Variants in UNC80 observed in about 807,000 individuals in gnomAD.
UNC80 encodes the protein unc-80 subunit of NALCN channel complex.
A neutral mutation model predicts 384.6 loss-of-function variants in UNC80; 164 were observed. The ratio of observed to expected loss-of-function variants is 0.43; its 90% CI spans 0.38 to 0.49. The LOEUF (loss-of-function observed/expected upper bound fraction) is 0.49, where lower values mean the gene tolerates loss of function less well. Among genes scored for constraint, UNC80 ranks in the 20% least tolerant of loss-of-function variants. UNC80 has a pLI of 0.00. For synonymous variants in UNC80, 1,486 were observed against 1,527.8 expected, an observed-to-expected ratio of 0.97 and a Z score of 0.64; for missense variants, 3,330 against 4,143.0, an observed-to-expected ratio of 0.80 and a Z score of 5.39.
intron 24 of UNC80, among the ~76,000 whole-genome samples, chr2:209,879,036 GTT>G (rs79480053): frequency 2.1e-5 from 3 of 142,942 alleles, no homozygotes; most frequent in Admixed American, 7.0e-5. Flanking sequence ...TCCTTCCAAA[GTT>G]TTTTTTTTTT....
intron 21 of UNC80, among the ~76,000 whole-genome samples, chr2:209,842,684 C>T (rs553352057): frequency 5.3e-4 from 80 of 152,164 alleles, no homozygotes; most frequent in Non-Finnish European, 1.0e-3. Context: ...GAGTAAGATC[C>T]AGCCTCTTCT....
chr2:209,991,775 T>C (rs532276386), intron 61 of UNC80, among the ~76,000 whole-genome samples: 45 of 152,194 alleles, frequency 3.0e-4, no homozygotes, highest in Non-Finnish European at 5.9e-4. Context: ...TTTAAAAAGA[T>C]GTTCCCATCC....
Position 209,777,246 on chromosome 2 carries a change from T to C in UNC80, c.299-12T>C, listed in dbSNP as rs1199600439. On this transcript the variant is annotated splice_polypyrimidine_tract_variant and intron_variant, in intron 3 of 64. Transcript: ENST00000673920. The stretch of plus-strand genomic sequence containing the variant: ...GTTTTTCTTAACCTGCCTGTGTAAT[T>C]GTCCCATGCAGGCCACCAGGATAAA... 2 of 1,563,596 alleles carry C rather than the reference T, an allele frequency of 1.3e-6. No homozygotes were observed. Among genetic ancestry groups the C allele is most frequent in the Non-Finnish European group, 8.6e-7 (1 of 1,158,018 alleles).
chr2:209,937,693 A>C (rs1333634752), intron 42 of UNC80, 63 bp downstream of exon 42: 6 of 1,283,176 alleles, frequency 4.7e-6, no homozygotes, highest in Non-Finnish European at 6.6e-6. Context: ...ATATCTGTTC[A>C]TACTTTGCCA....
chr2:209,821,760 C>T (rs2153827915), intron 13 of UNC80, among the ~76,000 whole-genome samples: 1 of 152,278 alleles, frequency 6.6e-6, no homozygotes, highest in Non-Finnish European at 1.5e-5. Context: ...ATTCACATAA[C>T]TTACACTAAT....
Position 209,941,217 on chromosome 2 carries a change from A to G in UNC80, c.6647-4A>G, listed in dbSNP as rs556749025. On this transcript the variant is annotated splice_region_variant and splice_polypyrimidine_tract_variant and intron_variant, in intron 43 of 64. Transcript: ENST00000673920. ...TCTGTCTCTGCTGTTTCATGTTCTCACAGCTGGAAAGGAACTGTTTGGCCT... is the reference window on the plus strand; with the variant it reads ...TCTGTCTCTGCTGTTTCATGTTCTCGCAGCTGGAAAGGAACTGTTTGGCCT... 6.7e-7 allele frequency: 1 copy of G among 1,495,560 alleles called. No homozygotes were observed. Among genetic ancestry groups the G allele is most frequent in the Admixed American group, 2.1e-5 (1 of 48,642 alleles). 92.6% of individuals were successfully genotyped at this position (1,495,560 alleles called of 1,614,324 possible). A position where few individuals can be genotyped will look rare whatever the true frequency, so the allele number is the denominator to read the frequency against.
intron 26 of UNC80, among the ~76,000 whole-genome samples, chr2:209,891,061 A>G (rs1208065393): frequency 6.6e-6 from 1 of 152,230 alleles, no homozygotes; most frequent in African/African-American, 2.4e-5. Context: ...ATTTTCTAGC[A>G]TCCTATAGAC....
chr2:209,777,963 C>T (rs2191915), intron 4 of UNC80, among the ~76,000 whole-genome samples: 77,726 of 152,044 alleles, frequency 0.51, 21,278 homozygotes, highest in Admixed American at 0.61. Flanking sequence ...TCTCCTTTCC[C>T]CGCTCTATTC....
At chr2:209,912,825 G>A (rs557223475) in intron 30 of UNC80, among the ~76,000 whole-genome samples, 158 bp downstream of exon 30, 1 of 152,274 alleles carries the variant, frequency 6.6e-6, no homozygotes, top group African/African-American at 2.4e-5. Context: ...AAGTGTGCCA[G>A]GAAAAAAGAA....
At chr2:209,915,474 GGA>G (rs1394460283) in intron 31 of UNC80, among the ~76,000 whole-genome samples, 1 of 151,820 alleles carries the variant, frequency 6.6e-6, no homozygotes, top group Non-Finnish European at 1.5e-5. Context: ...GAAAGCCTGA[GGA>G]GACTGAAAAC....
In UNC80 at chr2:209,912,634, A is replaced by G; in HGVS notation, c.4857A>G (p.Lys1619=). The change falls in exon 30 of 65, where the codon AAA becomes AAG. Residue 1619 remains lysine (K), a synonymous_variant. Coordinates refer to ENST00000673920, the MANE Select transcript of UNC80 (RefSeq NM_001371986.1). ...CAGATGCCAATCTGGAAGGAAAAAA[A>G]GATTCCGGAATGCTGAAGTACATCA... ...RVSDANLEGK[K]DSGMLKYIRL... The G allele has an allele frequency of 6.4e-7, 1 of 1,551,438 alleles. No individual in the cohort carries two copies. Among genetic ancestry groups the G allele is most frequent in the Non-Finnish European group, 8.7e-7 (1 of 1,146,808 alleles).
At chr2:209,785,920 A>T in intron 4 of UNC80, 146 bp from the exon 5 acceptor site, 1 of 902,878 alleles carries the variant, frequency 1.1e-6, no homozygotes, top group Non-Finnish European at 1.6e-6. Flanking sequence ...CTCTAGAAAC[A>T]TTCATCTGAC....
At chr2:209,885,372 G>A (rs2124903074) in intron 25 of UNC80, among the ~76,000 whole-genome samples, 1 of 152,314 alleles carries the variant, frequency 6.6e-6, no homozygotes, top group South Asian at 2.1e-4. Flanking sequence ...CAGCTCTGAT[G>A]AACCTTCTTG....
Position 209,819,084 on chromosome 2 carries a change from T to C in UNC80, c.1785T>C (p.His595=). Residue 595 remains histidine (H), a synonymous_variant, in exon 12 of 65, where the codon CAT becomes CAC. Coordinates refer to ENST00000673920, the MANE Select transcript of UNC80 (RefSeq NM_001371986.1). ...GCTATGCAGACTTTTTCAATGAGCATATGAGGAAACTCTGCAACCAGGTGC... is the reference window on the plus strand; with the variant it reads ...GCTATGCAGACTTTTTCAATGAGCACATGAGGAAACTCTGCAACCAGGTGC... The part of the protein sequence containing the change: ...NVGYADFFNE[H]MRKLCNQVPI... 2 of 1,552,106 alleles carry C rather than the reference T, an allele frequency of 1.3e-6. No individual in the cohort carries two copies. The highest frequency in any genetic ancestry group is 1.7e-6 in the Non-Finnish European group (2 of 1,147,096).
rs2085243122 is a variant in UNC80, at chr2:209,881,050, G to A, written c.4066G>A (p.Glu1356Lys). ...LLLEITTFLR[E>K]TFSCLPRPRT... Reference sequence around the variant, plus strand: ...TCTGGAGATTACCACCTTCCTGCGAGAGACCTTTTCTTGCCTGCCCAGACC... The same window carrying A: ...TCTGGAGATTACCACCTTCCTGCGAAAGACCTTTTCTTGCCTGCCCAGACC... Residue 1356 changes from glutamate (E) to lysine (K), a missense_variant, in exon 25 of 65, where the codon GAG (glutamate) becomes AAG (lysine). Glu to Lys is a moderately conservative substitution (Grantham distance 56). This residue lies in a region of UNC80 where 801 missense variants were observed against 950.8 expected (regional missense o/e 0.84). Transcript: ENST00000673920. 1.3e-6 allele frequency: 2 copies of A among 1,551,618 alleles called. No homozygotes were observed. Among genetic ancestry groups the A allele is most frequent in the Admixed American group, 3.9e-5 (2 of 50,972 alleles).
At chr2:209,984,634 T>G (rs563921525) in intron 60 of UNC80, among the ~76,000 whole-genome samples, 1 of 152,060 alleles carries the variant, frequency 6.6e-6, no homozygotes, top group Admixed American at 6.5e-5. Flanking sequence ...CCTCTGAGAG[T>G]TGTATCCATC....
At chr2:209,914,653 G>GTGTT (rs1433509647) in intron 31 of UNC80, among the ~76,000 whole-genome samples, 1 of 145,538 alleles carries the variant, frequency 6.9e-6, no homozygotes, top group Non-Finnish European at 1.5e-5. Context: ...GGTAAACTGT[G>GTGTT]TGTGTGTGTG....
intron 7 of UNC80, among the ~76,000 whole-genome samples, chr2:209,803,908 C>A (rs921950587): frequency 2.0e-5 from 3 of 151,952 alleles, no homozygotes; most frequent in Non-Finnish European, 2.9e-5. Flanking sequence ...TTTTTAAAAA[C>A]ATTTTTTTTG....
intron 29 of UNC80, among the ~76,000 whole-genome samples, chr2:209,910,488 C>T (rs1261000171): frequency 6.6e-6 from 1 of 152,018 alleles, no homozygotes; most frequent in Non-Finnish European, 1.5e-5. Flanking sequence ...CTTGCAGCTT[C>T]CTTCCTTTTC....
Sources: gnomAD v4.1 joint callset for allele counts (sites outside exome capture counted in the v4.1 genomes callset) on GRCh38, gnomAD v4.1.1 for gene constraint, gnomAD v4.1.1 regional missense constraint, MANE v1.5 for transcripts, NCBI Gene and HGNC (gene_info 2026-07-23, HGNC 2026-07-21) for gene names.